Variants in TMCO1 observed in about 807,000 individuals in gnomAD.
TMCO1 encodes calcium load-activated calcium channel.
Under a neutral mutation model 29.3 loss-of-function variants are expected in TMCO1, and 29 were observed. The observed-to-expected ratio is 0.99, with a 90% CI of 0.74 to 1.35. The LOEUF is 1.35. TMCO1 is among the 40% of genes most tolerant of loss of function. The pLI is 0.00. For synonymous variants in TMCO1, 80 were observed against 77.1 expected (o/e 1.04, Z -0.20); for missense variants, 173 against 225.5 (o/e 0.77, Z 1.49).
chr1:165,752,501 C>T (rs111619980), intron 4 of TMCO1, among the ~76,000 whole-genome samples: 1,998 of 151,766 alleles, frequency 0.013, 49 homozygotes, highest in African/African-American at 0.046. Flanking sequence ...GTGACCCCCC[C>T]GCCTCGGCCT....
chr1:165,748,925 G>A (rs1001145423), intron 5 of TMCO1, among the ~76,000 whole-genome samples: 2 of 152,096 alleles, frequency 1.3e-5, no homozygotes, highest in African/African-American at 4.8e-5. Context: ...CATACAGCAG[G>A]AATCGTACAG....
intron 6 of TMCO1, among the ~76,000 whole-genome samples, chr1:165,732,607 T>C (rs1186654345): frequency 6.6e-6 from 1 of 151,640 alleles, no homozygotes; most frequent in Non-Finnish European, 1.5e-5. Context: ...AAACTATGGA[T>C]TTGGGGGTAA....
chr1:165,733,344 T>C (rs552649193), intron 6 of TMCO1, among the ~76,000 whole-genome samples: 3 of 152,272 alleles, frequency 2.0e-5, no homozygotes, highest in African/African-American at 4.8e-5. Context: ...TTTAGAAATA[T>C]GCATTTAGGC....
In TMCO1 at chr1:165,731,696, G is replaced by A. The variant is rs1651165531; in HGVS notation, c.469-3575C>T. On this transcript the variant is annotated intron_variant, in intron 6 of 6. Coordinates refer to ENST00000367881, the MANE Select transcript of TMCO1 (RefSeq NM_019026.6). ...CTCAAAATATTTAAATGACTACTGAGGGTAAGCCACTGCTCTAGACGGGAA... is the reference window on the plus strand; with the variant it reads ...CTCAAAATATTTAAATGACTACTGAAGGTAAGCCACTGCTCTAGACGGGAA... Among the ~76,000 whole-genome samples the A allele has an allele frequency of 2.0e-5, 3 of 152,236 alleles. No homozygotes were observed. The South Asian group carries it at 6.2e-4, about 31-fold the overall frequency.
chr1:165,725,997 G>C (rs1217047077), downstream of TMCO1: 1 of 684,466 alleles, frequency 1.5e-6, no homozygotes, highest in South Asian at 1.5e-5. Context: ...TCCATAAGAA[G>C]TCTGATTAGA....
chr1:165,758,381 T>A (rs967717494), intron 3 of TMCO1, among the ~76,000 whole-genome samples: 6 of 151,588 alleles, frequency 4.0e-5, no homozygotes, highest in African/African-American at 1.5e-4. Flanking sequence ...CATGGCAAAA[T>A]CCCGTCTCTA....
At chr1:165,746,568 A>G (rs1254742875) in intron 5 of TMCO1, among the ~76,000 whole-genome samples, 1 of 151,874 alleles carries the variant, frequency 6.6e-6, no homozygotes, top group Non-Finnish European at 1.5e-5. Flanking sequence ...TAACTTAATC[A>G]CCAAATATTT....
intron 5 of TMCO1, among the ~76,000 whole-genome samples, chr1:165,745,151 G>A (rs948890372): frequency 6.6e-6 from 1 of 151,580 alleles, no homozygotes; most frequent in Non-Finnish European, 1.5e-5. Context: ...CTCCCAGGAA[G>A]GTGAGATTAC....
chr1:165,756,689 TA>T (rs1558040370), intron 3 of TMCO1, among the ~76,000 whole-genome samples: 1 of 152,086 alleles, frequency 6.6e-6, no homozygotes, highest in Non-Finnish European at 1.5e-5. Context: ...GAGCTTCACC[TA>T]GTGAAATCAA....
At chr1:165,754,033 T>C (rs979533705) in intron 4 of TMCO1, among the ~76,000 whole-genome samples, 195 bp downstream of exon 4, 2 of 152,074 alleles carry the variant, frequency 1.3e-5, no homozygotes, top group Non-Finnish European at 2.9e-5. Context: ...AAAAAGCTAT[T>C]TATAGTATTA....
intron 3 of TMCO1, among the ~76,000 whole-genome samples, chr1:165,758,123 T>C (rs1002740047): frequency 6.6e-6 from 1 of 152,170 alleles, no homozygotes; most frequent in Non-Finnish European, 1.5e-5. Context: ...CCTCCATTTC[T>C]TAGACATTTA....
chr1:165,745,661 A>G (rs1651772219), intron 5 of TMCO1, among the ~76,000 whole-genome samples: 1 of 152,058 alleles, frequency 6.6e-6, no homozygotes, highest in Non-Finnish European at 1.5e-5. Context: ...ACAGATGATC[A>G]AAGTTAAACT....
At chr1:165,740,060 C>T (rs915589641) in intron 6 of TMCO1, among the ~76,000 whole-genome samples, 8 of 151,768 alleles carry the variant, frequency 5.3e-5, no homozygotes, top group South Asian at 4.2e-4. Flanking sequence ...TGCAGTGAGC[C>T]GAGATCGAGC....
chr1:165,730,719 C>T (rs1651125719), intron 6 of TMCO1, among the ~76,000 whole-genome samples: 1 of 151,984 alleles, frequency 6.6e-6, no homozygotes, highest in Non-Finnish European at 1.5e-5. Context: ...CTCAGCCTCC[C>T]GAGGAGCTGG....
chr1:165,762,459 T>C (rs977910047), intron 2 of TMCO1, among the ~76,000 whole-genome samples: 7 of 152,048 alleles, frequency 4.6e-5, no homozygotes, highest in African/African-American at 9.7e-5. Context: ...GGCTAGAGAA[T>C]AGAAACATAA....
chr1:165,750,963 G>A (rs1447556727), intron 5 of TMCO1, among the ~76,000 whole-genome samples: 1 of 152,064 alleles, frequency 6.6e-6, no homozygotes, highest in African/African-American at 2.4e-5. Context: ...CCAGCTACTC[G>A]GGAGGCTGAG....
intron 6 of TMCO1, among the ~76,000 whole-genome samples, chr1:165,737,472 A>G (rs1651433455): frequency 6.6e-6 from 1 of 152,208 alleles, no homozygotes; most frequent in African/African-American, 2.4e-5. Flanking sequence ...TTAAAGAAAT[A>G]ATGATTGAAA....
At chr1:165,740,494 C>T (rs546686194) in intron 6 of TMCO1, among the ~76,000 whole-genome samples, 17 of 152,064 alleles carry the variant, frequency 1.1e-4, no homozygotes, top group African/African-American at 4.1e-4. Flanking sequence ...CGTGAGCCAC[C>T]GCGCCTGGCC....
chr1:165,743,241 T>C lies in TMCO1; in HGVS notation c.394A>G (p.Asn132Asp). 1 of 1,613,916 alleles carries C rather than the reference T, an allele frequency of 6.2e-7. No homozygotes were observed. Among genetic ancestry groups the C allele is most frequent in the Non-Finnish European group, 8.5e-7 (1 of 1,179,960 alleles). The change falls in exon 6 of 7, where the codon AAT becomes GAT. Residue 132 changes from asparagine to aspartate, a missense_variant. Transcript: ENST00000367881. Reference protein sequence around the residue: ...LSYIQGLSHRNLLGDDTTDCS... With the variant: ...LSYIQGLSHRDLLGDDTTDCS... Reference sequence around the variant, plus strand: ...TCTGTGGTGTCATCTCCCAGCAGATTTCGATGAGACAGTCCTTGGATGTAA... The same window carrying C: ...TCTGTGGTGTCATCTCCCAGCAGATCTCGATGAGACAGTCCTTGGATGTAA...
Sources: allele counts gnomAD v4.1 joint callset (sites outside exome capture counted in the v4.1 genomes callset), GRCh38; gene constraint gnomAD v4.1.1; transcripts MANE v1.5; gene names NCBI Gene and HGNC (gene_info 2026-07-23, HGNC 2026-07-21).